The following CNTN5 variants were observed in gnomAD, a reference collection of about 807,000 sequenced individuals.
CNTN5 encodes the protein contactin-5.
In CNTN5, 77 loss-of-function variants were observed where a neutral mutation model predicts 129.1. The ratio of observed to expected loss-of-function variants is 0.60; its 90% confidence interval spans 0.50 to 0.72. The LOEUF (loss-of-function observed/expected upper bound fraction) is 0.72. Among genes scored for constraint, CNTN5 ranks in the 30% least tolerant of loss-of-function variants. The pLI, the probability that CNTN5 is intolerant of heterozygous loss-of-function variation, is 0.00. For missense variants in CNTN5, 1,478 were observed against 1,328.8 expected, an observed-to-expected ratio of 1.11 and a Z score of -1.75; for synonymous variants, 509 against 465.6, an observed-to-expected ratio of 1.09 and a Z score of -1.20.
intron 1 of CNTN5, among the ~76,000 whole-genome samples, chr11:99,180,073 C>T (rs541698604): frequency 1.6e-4 from 24 of 152,020 alleles, no homozygotes; most frequent in East Asian, 5.8e-4. Flanking sequence ...GTGGGAAACA[C>T]GGGAGGGAGA....
At chr11:99,800,646 T>G (rs1490330215) in intron 3 of CNTN5, among the ~76,000 whole-genome samples, 1 of 152,192 alleles carries the variant, frequency 6.6e-6, no homozygotes, top group Non-Finnish European at 1.5e-5. Context: ...TAGTTGAGTC[T>G]TCTTGTTAAA....
intron 1 of CNTN5, among the ~76,000 whole-genome samples, chr11:99,100,730 A>G (rs184747026): frequency 7.0e-4 from 106 of 152,306 alleles, no homozygotes; most frequent in Non-Finnish European, 8.2e-4. Context: ...ATAAAAATAT[A>G]TTCAAATAAA....
intron 1 of CNTN5, among the ~76,000 whole-genome samples, chr11:99,115,756 G>A (rs879111586): frequency 6.6e-6 from 1 of 152,102 alleles, no homozygotes; most frequent in Non-Finnish European, 1.5e-5. Context: ...GCGAAACTCC[G>A]TCTCAAAGGG....
chr11:99,819,509 A>C (rs201383460), intron 3 of CNTN5, 35 bp from the exon 4 acceptor site: 1 of 1,556,190 alleles, frequency 6.4e-7, no homozygotes, highest in Non-Finnish European at 8.8e-7. Context: ...TAGTTTCCTC[A>C]AAATTCAGAT....
At chr11:99,874,039 G>T (rs1948572247) in intron 6 of CNTN5, among the ~76,000 whole-genome samples, 2 of 152,138 alleles carry the variant, frequency 1.3e-5, no homozygotes, top group Non-Finnish European at 1.5e-5. Flanking sequence ...AAGATAGAAA[G>T]AATAGGCTCT....
At chr11:100,098,218 AGTATTT>A (rs1472937960) in intron 13 of CNTN5, among the ~76,000 whole-genome samples, 1 of 152,094 alleles carries the variant, frequency 6.6e-6, no homozygotes, top group Non-Finnish European at 1.5e-5. Context: ...AGCAAAAAAA[AGTATTT>A]GACTTTAAAG....
intron 8 of CNTN5, among the ~76,000 whole-genome samples, chr11:99,985,029 C>T (rs1392245404): frequency 2.0e-5 from 3 of 152,240 alleles, no homozygotes; most frequent in Middle Eastern, 3.4e-3. Flanking sequence ...AGGGTGCCTG[C>T]AACGGTGAAG....
At chr11:99,157,873 T>G (rs1186981771) in intron 1 of CNTN5, among the ~76,000 whole-genome samples, 1 of 152,154 alleles carries the variant, frequency 6.6e-6, no homozygotes, top group Non-Finnish European at 1.5e-5. Context: ...AATAAATAAT[T>G]AAGAAACTGA....
intron 16 of CNTN5, among the ~76,000 whole-genome samples, chr11:100,235,500 C>T (rs529948244): frequency 1.3e-5 from 2 of 152,220 alleles, no homozygotes; most frequent in South Asian, 4.1e-4. Context: ...GGTTCTTCCT[C>T]CCCTCCCTTT....
chr11:100,041,327 A>G (rs1293334150), intron 9 of CNTN5, among the ~76,000 whole-genome samples: 2 of 152,140 alleles, frequency 1.3e-5, no homozygotes, highest in Non-Finnish European at 2.9e-5. Context: ...AATCATGTCC[A>G]ATATTCTTTA....
intron 14 of CNTN5, among the ~76,000 whole-genome samples, 175 bp downstream of exon 14, chr11:100,191,428 G>A (rs2138505130): frequency 6.6e-6 from 1 of 152,168 alleles, no homozygotes; most frequent in Non-Finnish European, 1.5e-5. Flanking sequence ...CCACCATTTA[G>A]GGTACCAAAA....
At chr11:99,816,172 A>T (rs932319596) in intron 3 of CNTN5, among the ~76,000 whole-genome samples, 1 of 152,140 alleles carries the variant, frequency 6.6e-6, no homozygotes, top group African/African-American at 2.4e-5. Context: ...ACTTTGTGAC[A>T]TTCCACTTTC....
intron 6 of CNTN5, among the ~76,000 whole-genome samples, chr11:99,902,123 C>T (rs937315392): frequency 6.6e-5 from 10 of 152,068 alleles, no homozygotes; most frequent in African/African-American, 9.7e-5. Flanking sequence ...ACTGGCAATA[C>T]GGAAAAGTCA....
chr11:99,644,369 C>T (rs1406434262), intron 3 of CNTN5, among the ~76,000 whole-genome samples: 1 of 152,088 alleles, frequency 6.6e-6, no homozygotes, highest in Non-Finnish European at 1.5e-5. Context: ...ATTGTACTGT[C>T]CTTGAAATGT....
chr11:100,096,504 C>CT (rs139801081), intron 13 of CNTN5, among the ~76,000 whole-genome samples: 8,739 of 152,060 alleles, frequency 0.057, 843 homozygotes, highest in African/African-American at 0.2. Context: ...CCTGATCTCC[C>CT]TCCCACCTGG....
At chr11:99,312,428 G>T (rs1337701321) in intron 1 of CNTN5, among the ~76,000 whole-genome samples, 1 of 152,024 alleles carries the variant, frequency 6.6e-6, no homozygotes, top group African/African-American at 2.4e-5. Context: ...TGGGATTGTT[G>T]TAAATATTCA....
chr11:99,744,820 C>G (rs1944002116), intron 3 of CNTN5, among the ~76,000 whole-genome samples: 1 of 151,750 alleles, frequency 6.6e-6, no homozygotes, highest in Non-Finnish European at 1.5e-5. Context: ...TCTTTAAGCA[C>G]AGAAGAAGTA....
intron 3 of CNTN5, among the ~76,000 whole-genome samples, chr11:99,684,574 T>C (rs1953704341): frequency 6.6e-6 from 1 of 151,920 alleles, no homozygotes; most frequent in Non-Finnish European, 1.5e-5. Context: ...TCTTTGTTAA[T>C]GTTAGTTCTT....
intron 1 of CNTN5, among the ~76,000 whole-genome samples, chr11:99,170,836 T>C (rs1403666504): frequency 6.6e-6 from 1 of 152,242 alleles, no homozygotes; most frequent in Non-Finnish European, 1.5e-5. Flanking sequence ...TCCTGTTTTC[T>C]CAGTGCTAAA....
Sources: allele counts gnomAD v4.1 joint callset (sites outside exome capture counted in the v4.1 genomes callset), GRCh38; gene constraint gnomAD v4.1.1; transcripts MANE v1.5; gene names NCBI Gene and HGNC (gene_info 2026-07-23, HGNC 2026-07-21).